The following DPP10 variants were observed in gnomAD, a reference collection of about 807,000 sequenced individuals.
DPP10 encodes inactive dipeptidyl peptidase 10.
A neutral mutation model predicts 120.9 loss-of-function variants in DPP10; 33 were observed. That is an observed-to-expected ratio of 0.27 (90% CI 0.21 to 0.37). The LOEUF (loss-of-function observed/expected upper bound fraction) is 0.37. Among genes scored for constraint, DPP10 ranks in the 10% least tolerant of loss-of-function variants. The pLI, the probability that DPP10 is intolerant of heterozygous loss-of-function variation, is 1.00. For missense variants in DPP10, 816 were observed against 942.8 expected, an observed-to-expected ratio of 0.87 and a Z score of 1.76; for synonymous variants, 337 against 326.1, an observed-to-expected ratio of 1.03 and a Z score of -0.36.
chr2:114,728,954 A>G lies in DPP10; in HGVS notation c.60+286116A>G, dbSNP rs150693213. Among the ~76,000 whole-genome samples, 930 of 152,334 alleles carry G rather than the reference A, an allele frequency of 6.1e-3. 6 individuals carry two copies. Among genetic ancestry groups the G allele is most frequent in the Middle Eastern group, 0.02 (6 of 294 alleles). ...ATAATGTTTGAAAACCAACCCACTC[A>G]CAAGAAACTTTGTAATTTTTGGTGT... On this transcript the variant is annotated intron_variant, in intron 1 of 25. Transcript: ENST00000410059.
chr2:115,570,279 C>T (rs955051023), intron 5 of DPP10, among the ~76,000 whole-genome samples: 2 of 152,126 alleles, frequency 1.3e-5, no homozygotes, highest in African/African-American at 4.8e-5. Flanking sequence ...AAGCAGAAAG[C>T]CTTAAAATAA....
At chr2:115,431,918 A>T (rs1224918139) in intron 3 of DPP10, among the ~76,000 whole-genome samples, 1 of 152,074 alleles carries the variant, frequency 6.6e-6, no homozygotes, top group Non-Finnish European at 1.5e-5. Flanking sequence ...TGGGATTTGG[A>T]ATTTTGTTAG....
At chr2:114,970,117 C>T (rs181845444) in intron 1 of DPP10, among the ~76,000 whole-genome samples, 16 of 152,130 alleles carry the variant, frequency 1.1e-4, no homozygotes, top group African/African-American at 2.9e-4. Context: ...ACTTGGACAG[C>T]GATCAAGGCA....
At chr2:114,660,631 G>A (rs147404428) in intron 1 of DPP10, among the ~76,000 whole-genome samples, 31 of 152,290 alleles carry the variant, frequency 2.0e-4, no homozygotes, top group Admixed American at 5.9e-4. Context: ...CTCTCCAGAC[G>A]TCATTGGTAA....
rs76577037 is a variant in DPP10, at chr2:115,637,280, A to C, written c.442-52407A>C. Among the ~76,000 whole-genome samples, 1,300 of 152,290 alleles carry C rather than the reference A, an allele frequency of 8.5e-3. 16 individuals are homozygous for C. Among genetic ancestry groups the C allele is most frequent in the African/African-American group, 0.029 (1,199 of 41,564 alleles). On this transcript the variant is annotated intron_variant, in intron 5 of 25. Transcript: ENST00000410059. The stretch of plus-strand genomic sequence containing the variant: ...GAAGAGGAAAAATATCTTTCAAAAA[A>C]CTGATTAAAAAATTATATACACAAT...
intron 3 of DPP10, among the ~76,000 whole-genome samples, chr2:115,467,218 A>T (rs528388224): frequency 4.6e-5 from 7 of 152,130 alleles, no homozygotes; most frequent in Admixed American, 1.3e-4. Context: ...GCACACACAC[A>T]TGCACATGTG....
chr2:115,242,377 A>G (rs918241458), intron 1 of DPP10, among the ~76,000 whole-genome samples: 8 of 152,068 alleles, frequency 5.3e-5, no homozygotes, highest in African/African-American at 1.9e-4. Context: ...CCCATCATGT[A>G]TATATCCCAC....
At chr2:114,643,512 C>CT (rs1695871220) in intron 1 of DPP10, among the ~76,000 whole-genome samples, 1 of 151,902 alleles carries the variant, frequency 6.6e-6, no homozygotes, top group African/African-American at 2.4e-5. Flanking sequence ...TGAGCTCATA[C>CT]TTTGTCTTCT....
At chr2:115,491,025 G>A (rs1232877433) in intron 3 of DPP10, among the ~76,000 whole-genome samples, 4 of 152,114 alleles carry the variant, frequency 2.6e-5, no homozygotes, top group Admixed American at 6.6e-5. Flanking sequence ...GGCTGAGGCA[G>A]CAGGATCACT....
At chr2:114,624,333 A>G (rs896922391) in intron 1 of DPP10, among the ~76,000 whole-genome samples, 1 of 151,934 alleles carries the variant, frequency 6.6e-6, no homozygotes, top group Admixed American at 6.6e-5. Context: ...TTTGATTTGA[A>G]AGGGTACTGG....
chr2:114,963,740 A>G (rs186696911), intron 1 of DPP10, among the ~76,000 whole-genome samples: 1 of 152,156 alleles, frequency 6.6e-6, no homozygotes, highest in African/African-American at 2.4e-5. Flanking sequence ...GAAGAAACCA[A>G]TGAGGGTAAG....
chr2:114,685,443 G>T (rs1699300615), intron 1 of DPP10, among the ~76,000 whole-genome samples: 1 of 151,852 alleles, frequency 6.6e-6, no homozygotes, highest in African/African-American at 2.4e-5. Flanking sequence ...ATAGACCTAA[G>T]ACCTATGTTT....
chr2:114,563,521 T>C (rs529921068), intron 1 of DPP10, among the ~76,000 whole-genome samples: 1 of 152,304 alleles, frequency 6.6e-6, no homozygotes, highest in Non-Finnish European at 1.5e-5. Context: ...ATTTAAGTGA[T>C]ACATCTACCG....
intron 1 of DPP10, among the ~76,000 whole-genome samples, chr2:114,722,342 T>C (rs1413865410): frequency 1.3e-5 from 2 of 152,174 alleles, no homozygotes; most frequent in Non-Finnish European, 1.5e-5. Flanking sequence ...TTTTTCCCAG[T>C]TGAGTTTCAG....
At chr2:114,691,719 T>C (rs886498295) in intron 1 of DPP10, among the ~76,000 whole-genome samples, 1 of 152,130 alleles carries the variant, frequency 6.6e-6, no homozygotes, top group African/African-American at 2.4e-5. Flanking sequence ...CTGGGCTTTT[T>C]TTGGTTGGTA....
intron 3 of DPP10, among the ~76,000 whole-genome samples, chr2:115,490,725 T>C (rs1015449076): frequency 6.6e-6 from 1 of 152,218 alleles, no homozygotes; most frequent in Non-Finnish European, 1.5e-5. Context: ...TTAAATGTAA[T>C]ATTGTAACAT....
At chr2:115,792,902 G>A (rs754224299) in intron 19 of DPP10, among the ~76,000 whole-genome samples, 5 of 152,178 alleles carry the variant, frequency 3.3e-5, no homozygotes, top group Non-Finnish European at 7.3e-5. Flanking sequence ...AGAACTGACT[G>A]CCCTTGAAGC....
chr2:114,449,270 T>A (rs1479740418), intron 1 of DPP10, among the ~76,000 whole-genome samples: 2 of 152,162 alleles, frequency 1.3e-5, no homozygotes, highest in Admixed American at 6.6e-5. Flanking sequence ...TGTGCCAGGT[T>A]GGTAGGGCAT....
At chr2:114,729,285 G>T (rs934093728) in intron 1 of DPP10, among the ~76,000 whole-genome samples, 5 of 152,210 alleles carry the variant, frequency 3.3e-5, no homozygotes, top group Non-Finnish European at 5.9e-5. Flanking sequence ...TTCAGATGAA[G>T]CCTCCAGGGA....
Sources: gnomAD v4.1 joint callset for allele counts (sites outside exome capture counted in the v4.1 genomes callset) on GRCh38, gnomAD v4.1.1 for gene constraint, MANE v1.5 for transcripts, NCBI Gene and HGNC (gene_info 2026-07-23, HGNC 2026-07-21) for gene names.